QSER1: variants seen among roughly 807,000 people sequenced by gnomAD.
QSER1 encodes glutamine and serine rich 1, also known as glutamine and serine-rich protein 1.
A neutral mutation model predicts 158.5 loss-of-function variants in QSER1; 49 were observed. That is an observed-to-expected ratio of 0.31 (90% CI 0.25 to 0.39). QSER1 has a LOEUF of 0.39. Among genes scored for constraint, QSER1 ranks in the 10% least tolerant of loss-of-function variants. The pLI is 1.00. For synonymous variants in QSER1, 650 were observed against 715.5 expected (o/e 0.91, Z 1.46); for missense variants, 1,754 against 2,010.3 (o/e 0.87, Z 2.44).
At chr11:32,946,811 G>A (rs1204486596) in intron 4 of QSER1, among the ~76,000 whole-genome samples, 3 of 152,106 alleles carry the variant, frequency 2.0e-5, no homozygotes, top group Non-Finnish European at 4.4e-5. Context: ...GGGCAATGGT[G>A]GGCGCCCCTA....
intron 1 of QSER1, among the ~76,000 whole-genome samples, chr11:32,897,016 C>T (rs1450199586): frequency 2.6e-5 from 4 of 152,078 alleles, no homozygotes; most frequent in Admixed American, 2.0e-4. Context: ...CCATGGAAAC[C>T]GTGTTGTAAG....
intron 4 of QSER1, among the ~76,000 whole-genome samples, chr11:32,940,820 C>G (rs1184199106): frequency 6.6e-6 from 1 of 152,034 alleles, no homozygotes; most frequent in African/African-American, 2.4e-5. Flanking sequence ...CCTTGTCAGT[C>G]TGTGAAAGGT....
chr11:32,960,463 G>A (rs11032068), intron 8 of QSER1, among the ~76,000 whole-genome samples: 5,426 of 152,162 alleles, frequency 0.036, 326 homozygotes, highest in African/African-American at 0.12. Flanking sequence ...GGAGGCTGAG[G>A]CAGGAGAATC....
chr11:32,939,443 GTTCT>G (rs1313184893), intron 4 of QSER1, among the ~76,000 whole-genome samples: 1 of 151,990 alleles, frequency 6.6e-6, no homozygotes, highest in African/African-American at 2.4e-5. Flanking sequence ...GTTTGTTTTA[GTTCT>G]TTGTCTCTGA....
In QSER1 at chr11:32,953,883, C is replaced by T; in HGVS notation, c.4204C>T (p.Pro1402Ser). The part of the protein sequence containing the change: ...TEALQVATTS[P>S]TANTTGTATT... Reference sequence around the variant, plus strand: ...AGCCCTACAGGTGGCAACTACTAGCCCAACTGCCAATACTACTGGTACTGC... The same window carrying T: ...AGCCCTACAGGTGGCAACTACTAGCTCAACTGCCAATACTACTGGTACTGC... The change falls in exon 5 of 13, where the codon CCA (proline) becomes TCA (serine). Residue 1402 changes from proline to serine, a missense_variant. Pro to Ser is a moderately conservative substitution (Grantham distance 74). Transcript: ENST00000650167. 2 of 1,613,346 alleles carry T rather than the reference C, an allele frequency of 1.2e-6. No individual in the cohort carries two copies. The highest frequency in any genetic ancestry group is 2.2e-5 in the South Asian group (2 of 90,998).
intron 4 of QSER1, among the ~76,000 whole-genome samples, chr11:32,948,763 A>G (rs1852377704): frequency 6.6e-6 from 1 of 152,192 alleles, no homozygotes; most frequent in Non-Finnish European, 1.5e-5. Context: ...TGCTTTTTTC[A>G]TAGAAATTTT....
intron 1 of QSER1, among the ~76,000 whole-genome samples, chr11:32,909,223 CTT>C (rs1016426829): frequency 6.6e-6 from 1 of 152,082 alleles, no homozygotes; most frequent in Non-Finnish European, 1.5e-5. Context: ...TTGTGATTGT[CTT>C]TTTTATTATT....
At chr11:32,924,922 A>G (rs1296187084) in intron 1 of QSER1, among the ~76,000 whole-genome samples, 2 of 151,996 alleles carry the variant, frequency 1.3e-5, no homozygotes, top group African/African-American at 4.8e-5. Context: ...TATTATTGCC[A>G]TCTTTATTTC....
intron 1 of QSER1, among the ~76,000 whole-genome samples, chr11:32,912,901 A>G (rs187555099): frequency 9.3e-4 from 141 of 152,290 alleles, no homozygotes; most frequent in African/African-American, 3.2e-3. Flanking sequence ...CAACAGAGCA[A>G]GTCCCTGTCT....
intron 1 of QSER1, among the ~76,000 whole-genome samples, chr11:32,899,241 A>G (rs747630565): frequency 3.3e-5 from 5 of 152,164 alleles, no homozygotes; most frequent in Admixed American, 3.3e-4. Flanking sequence ...TACTTATATC[A>G]TGAAAGCCAG....
intron 1 of QSER1, among the ~76,000 whole-genome samples, chr11:32,909,953 A>G (rs1375706197): frequency 6.6e-6 from 1 of 152,290 alleles, no homozygotes; most frequent in African/African-American, 2.4e-5. Flanking sequence ...AGACACTCCC[A>G]TGCTTAAAAA....
rs186314530 is a variant in QSER1 at position 32,910,846 on chromosome 11, T to C, written c.210-16311T>C. On this transcript the variant is annotated intron_variant, in intron 1 of 12. Coordinates refer to ENST00000650167, the MANE Select transcript of QSER1 (RefSeq NM_001076786.3). ...TGTTCCATACCTTTTCCTACCTCCC[T>C]CATGCCACTGTTATAACTACTTTAT... 1.2e-4 allele frequency among the ~76,000 whole-genome samples: 18 copies of C among 152,340 alleles called. No homozygotes were observed. The East Asian group carries it at 3.5e-3, about 29-fold the overall frequency.
intron 1 of QSER1, among the ~76,000 whole-genome samples, chr11:32,920,088 T>C (rs11032060): frequency 0.096 from 14,678 of 152,256 alleles, 954 homozygotes; most frequent in Non-Finnish European, 0.14. Flanking sequence ...TTCCTTTTTC[T>C]TGGAGAATGG....
At chr11:32,968,709 C>T (rs979228423) in intron 9 of QSER1, among the ~76,000 whole-genome samples, 5 of 152,282 alleles carry the variant, frequency 3.3e-5, no homozygotes, top group South Asian at 2.1e-4. Context: ...CTTGCCTATT[C>T]GTCACATAGC....
intron 1 of QSER1, among the ~76,000 whole-genome samples, chr11:32,898,528 A>G (rs894530878): frequency 1.4e-5 from 2 of 138,772 alleles, no homozygotes; most frequent in Non-Finnish European, 1.6e-5. Context: ...ACACACACAC[A>G]CATTGTAATG....
At chr11:32,921,189 C>A (rs1392913783) in intron 1 of QSER1, among the ~76,000 whole-genome samples, 2 of 152,146 alleles carry the variant, frequency 1.3e-5, no homozygotes, top group East Asian at 1.9e-4. Flanking sequence ...ACTGATATAT[C>A]CATGTTGTAA....
At chr11:32,931,074 T>C (rs1262857610) in intron 3 of QSER1, among the ~76,000 whole-genome samples, 1 of 152,120 alleles carries the variant, frequency 6.6e-6, no homozygotes, top group African/African-American at 2.4e-5. Flanking sequence ...ATGTAGGCAA[T>C]TTAGCTTTTT....
intron 2 of QSER1, among the ~76,000 whole-genome samples, chr11:32,927,512 A>G (rs775753392): frequency 2.8e-4 from 42 of 152,024 alleles, no homozygotes; most frequent in Non-Finnish European, 5.7e-4. Flanking sequence ...GGTTCAAGTG[A>G]TTCTCCTGCT....
chr11:32,904,695 C>T (rs1851670178), intron 1 of QSER1, among the ~76,000 whole-genome samples: 1 of 146,874 alleles, frequency 6.8e-6, no homozygotes, highest in Non-Finnish European at 1.5e-5. Flanking sequence ...GTTAGGAATG[C>T]TCTTATCTAG....
Sources: allele counts gnomAD v4.1 joint callset (sites outside exome capture counted in the v4.1 genomes callset), GRCh38; gene constraint gnomAD v4.1.1; transcripts MANE v1.5; gene names NCBI Gene and HGNC (gene_info 2026-07-23, HGNC 2026-07-21).